AKAP19: variants seen among roughly 807,000 people sequenced by gnomAD.
AKAP19 encodes the protein small A-kinase anchoring protein.
At chr2:189,964,346 G>A in the AKAP19 span, among the ~76,000 whole-genome samples, 1 of 152,304 alleles carries the variant, frequency 6.6e-6, no homozygotes, top group South Asian at 2.1e-4. Flanking sequence ...ATAGAGCACA[G>A]GGTAGATTTA....
At chr2:189,911,403 C>A in the AKAP19 span, among the ~76,000 whole-genome samples, 2,742 of 152,110 alleles carry the variant, frequency 0.018, 134 homozygotes, top group East Asian at 0.18. Context: ...TTTTACTGAT[C>A]TCTTACTTTC....
At chr2:190,174,105 T>G in the AKAP19 span, among the ~76,000 whole-genome samples, 1 of 152,218 alleles carries the variant, frequency 6.6e-6, no homozygotes, top group Non-Finnish European at 1.5e-5. Context: ...TAGCTTAGAC[T>G]GTGTGGTCCA....
the AKAP19 span, among the ~76,000 whole-genome samples, chr2:190,045,373 A>G: frequency 2.0e-5 from 3 of 151,782 alleles, no homozygotes; most frequent in East Asian, 3.9e-4. Flanking sequence ...CTCTGGAAGC[A>G]CCGTCCCAGG....
chr2:189,943,766 G>T, the AKAP19 span, among the ~76,000 whole-genome samples: 1 of 152,236 alleles, frequency 6.6e-6, no homozygotes, highest in African/African-American at 2.4e-5. Flanking sequence ...GCACCAGTTT[G>T]CCTTGGATGT....
chr2:189,920,810 C>T, the AKAP19 span, among the ~76,000 whole-genome samples: 2 of 152,080 alleles, frequency 1.3e-5, no homozygotes, highest in Admixed American at 6.6e-5. Context: ...ATCTTGGAAC[C>T]CAGTTCTCAG....
the AKAP19 span, among the ~76,000 whole-genome samples, chr2:190,170,914 A>G: frequency 2.6e-5 from 4 of 152,232 alleles, no homozygotes; most frequent in African/African-American, 9.6e-5. Context: ...GGATAGTCTT[A>G]GATCAGATAA....
At chr2:190,150,204 T>A in the AKAP19 span, 1 of 152,264 alleles carries the variant, frequency 6.6e-6, no homozygotes, top group African/African-American at 2.4e-5. Context: ...CACACAGGAT[T>A]TGCGCCCTCC....
At chr2:190,089,476 G>GA in the AKAP19 span, 1 of 151,800 alleles carries the variant, frequency 6.6e-6, no homozygotes, top group African/African-American at 2.4e-5. Context: ...ATGTACACCT[G>GA]AAAAATGTAT....
the AKAP19 span, among the ~76,000 whole-genome samples, chr2:189,937,399 CA>C: frequency 4.6e-5 from 7 of 151,900 alleles, no homozygotes; most frequent in South Asian, 1.5e-3. Context: ...TTTTATGTTC[CA>C]AAATGGTGTA....
the AKAP19 span, among the ~76,000 whole-genome samples, chr2:190,173,290 C>CAT: frequency 2.0e-5 from 3 of 152,176 alleles, no homozygotes; most frequent in African/African-American, 7.2e-5. Flanking sequence ...AATATTCGTA[C>CAT]ATAGATAGTT....
At chr2:190,055,479 TAAAA>T in the AKAP19 span, among the ~76,000 whole-genome samples, 7 of 151,750 alleles carry the variant, frequency 4.6e-5, no homozygotes, top group African/African-American at 1.7e-4. Context: ...TAAAGTATAA[TAAAA>T]AAATAAAAAA....
chr2:190,055,724 A>G, the AKAP19 span: 1 of 152,200 alleles, frequency 6.6e-6, no homozygotes, highest in Non-Finnish European at 1.5e-5. Context: ...ATGTGAAAAC[A>G]CTTTAATATA....
chr2:189,954,035 T>A, the AKAP19 span, among the ~76,000 whole-genome samples: 6,333 of 152,208 alleles, frequency 0.042, 422 homozygotes, highest in African/African-American at 0.14. Context: ...CAAGTGAAGA[T>A]GTAGTAGTAA....
chr2:190,046,068 G>T, the AKAP19 span, among the ~76,000 whole-genome samples: 6 of 152,190 alleles, frequency 3.9e-5, no homozygotes, highest in Non-Finnish European at 8.8e-5. Context: ...GTTGTTCCCG[G>T]GTGGCCGATT....
chr2:189,887,605 G>A, the AKAP19 span, among the ~76,000 whole-genome samples: 1,848 of 152,190 alleles, frequency 0.012, 38 homozygotes, highest in African/African-American at 0.039. Context: ...AAGCATTCCT[G>A]TTTCTCCACA....
chr2:190,033,659 C>T, the AKAP19 span, among the ~76,000 whole-genome samples: 2 of 152,184 alleles, frequency 1.3e-5, no homozygotes, highest in South Asian at 2.1e-4. Context: ...CTGAATTATT[C>T]AGTTTTGCTT....
At chr2:190,166,039 C>T in the AKAP19 span, among the ~76,000 whole-genome samples, 1 of 151,840 alleles carries the variant, frequency 6.6e-6, no homozygotes, top group Non-Finnish European at 1.5e-5. Flanking sequence ...AGAAAGATTA[C>T]TAAATGATGT....
At chr2:189,920,299 C>T in the AKAP19 span, among the ~76,000 whole-genome samples, 1 of 152,148 alleles carries the variant, frequency 6.6e-6, no homozygotes, top group Non-Finnish European at 1.5e-5. Context: ...CACTATCATT[C>T]TCAATATGTA....
At chr2:189,885,190 T>C in the AKAP19 span, among the ~76,000 whole-genome samples, 1 of 152,188 alleles carries the variant, frequency 6.6e-6, no homozygotes, top group Non-Finnish European at 1.5e-5. Context: ...TAGTTTATGA[T>C]TACTTTGCCC....
Sources: allele counts gnomAD v4.1 joint callset (sites outside exome capture counted in the v4.1 genomes callset), GRCh38; gene constraint gnomAD v4.1.1; transcripts MANE v1.5; gene names NCBI Gene and HGNC (gene_info 2026-07-23, HGNC 2026-07-21).